GALNT7: variants seen among roughly 807,000 people sequenced by gnomAD.
GALNT7 encodes N-acetylgalactosaminyltransferase 7.
GALNT7 carries 60 observed loss-of-function variants against 82.1 expected under a neutral mutation model. The ratio of observed to expected loss-of-function variants is 0.73; its 90% confidence interval spans 0.59 to 0.91. The LOEUF is 0.91. GALNT7 is among the 40% of genes least tolerant of loss of function. GALNT7 has a pLI of 0.00. For synonymous variants in GALNT7, 243 were observed against 275.1 expected (o/e 0.88, Z 1.15); for missense variants, 660 against 804.2 (o/e 0.82, Z 2.17).
At chr4:173,303,543 T>G (rs962526888) in intron 7 of GALNT7, among the ~76,000 whole-genome samples, 13 of 152,350 alleles carry the variant, frequency 8.5e-5, no homozygotes, top group African/African-American at 3.1e-4. Flanking sequence ...GGGAATAACA[T>G]GACCCAAAGC....
At chr4:173,273,523 C>T (rs147172048) in intron 2 of GALNT7, among the ~76,000 whole-genome samples, 1,881 of 152,242 alleles carry the variant, frequency 0.012, 36 homozygotes, top group African/African-American at 0.042. Flanking sequence ...GTTTGTTAAA[C>T]ACAGACCTCA....
chr4:173,309,240 T>C (rs1314077926), intron 8 of GALNT7, among the ~76,000 whole-genome samples: 3 of 152,230 alleles, frequency 2.0e-5, no homozygotes, highest in African/African-American at 7.2e-5. Context: ...TAAATCACAG[T>C]TCTAGTTCCT....
At chr4:173,211,414 T>C (rs140028807) in intron 1 of GALNT7, among the ~76,000 whole-genome samples, 2 of 152,358 alleles carry the variant, frequency 1.3e-5, no homozygotes, top group African/African-American at 4.8e-5. Flanking sequence ...TACCTATGAC[T>C]AAACACGTCC....
At chr4:173,245,900 C>T (rs1260772258) in intron 1 of GALNT7, among the ~76,000 whole-genome samples, 1 of 152,182 alleles carries the variant, frequency 6.6e-6, no homozygotes, top group Non-Finnish European at 1.5e-5. Flanking sequence ...CTTAGTATGG[C>T]TCACAGGTTA....
At chr4:173,236,917 A>C (rs1335285522) in intron 1 of GALNT7, among the ~76,000 whole-genome samples, 8 of 152,256 alleles carry the variant, frequency 5.3e-5, no homozygotes. Context: ...ATAAATAGTA[A>C]CCTGAATGAC....
At chr4:173,202,006 T>C (rs948446412) in intron 1 of GALNT7, among the ~76,000 whole-genome samples, 1 of 152,226 alleles carries the variant, frequency 6.6e-6, no homozygotes, top group Non-Finnish European at 1.5e-5. Context: ...GGACTGTTCA[T>C]TAGGAAGTCT....
At chr4:173,219,705 A>T (rs561169277) in intron 1 of GALNT7, among the ~76,000 whole-genome samples, 1 of 152,300 alleles carries the variant, frequency 6.6e-6, no homozygotes, top group South Asian at 2.1e-4. Context: ...ATAAGGTGGT[A>T]TCACATTGTG....
chr4:173,187,319 T>C (rs1732492385), intron 1 of GALNT7, among the ~76,000 whole-genome samples: 1 of 152,082 alleles, frequency 6.6e-6, no homozygotes, highest in South Asian at 2.1e-4. Flanking sequence ...ATGTATAGAT[T>C]TGTAATTTTT....
intron 1 of GALNT7, among the ~76,000 whole-genome samples, chr4:173,220,375 T>C (rs1328051169): frequency 2.0e-5 from 3 of 152,204 alleles, no homozygotes; most frequent in Non-Finnish European, 4.4e-5. Flanking sequence ...CCAGTATCAT[T>C]GCTGTTTTGG....
rs529055751 is a variant in GALNT7, at chr4:173,198,663, CTTTA to C, written c.126+29707_126+29710del. ...TCACAAACTTATATGAAAACAAAAT[CTTTA>C]TTTAGTATGATAACCTATTGGCATC... On this transcript the variant is annotated intron_variant, in intron 1 of 11. Coordinates refer to ENST00000265000, the MANE Select transcript of GALNT7 (RefSeq NM_017423.3). Among the ~76,000 whole-genome samples the C allele has an allele frequency of 1.8e-4, 27 of 152,274 alleles. No homozygotes were observed. In the South Asian group the frequency reaches 3.5e-3, roughly 20 times the overall value.
intron 2 of GALNT7, among the ~76,000 whole-genome samples, chr4:173,271,094 C>CT (rs34257183): frequency 6.6e-6 from 1 of 152,154 alleles, no homozygotes; most frequent in Non-Finnish European, 1.5e-5. Flanking sequence ...TATGCCCTTG[C>CT]TTTTTAGAAT....
At chr4:173,321,494 C>A in intron 11 of GALNT7, 86 bp from the exon 12 acceptor site, 1 of 897,242 alleles carries the variant, frequency 1.1e-6, no homozygotes. Flanking sequence ...CTTAAACTGT[C>A]TCCTCATGAA....
At chr4:173,179,591 CCATT>C (rs1419394260) in intron 1 of GALNT7, among the ~76,000 whole-genome samples, 1 of 152,180 alleles carries the variant, frequency 6.6e-6, no homozygotes, top group African/African-American at 2.4e-5. Context: ...TAAAACCAAC[CCATT>C]GATTCTAGTT....
intron 1 of GALNT7, among the ~76,000 whole-genome samples, chr4:173,210,105 GC>G (rs1191392335): frequency 3.3e-5 from 5 of 151,610 alleles, no homozygotes; most frequent in African/African-American, 7.3e-5. Flanking sequence ...CTGCACTCCA[GC>G]CTGGGCAACA....
At chr4:173,286,880 TA>T (rs1736342437) in intron 2 of GALNT7, among the ~76,000 whole-genome samples, 1 of 152,192 alleles carries the variant, frequency 6.6e-6, no homozygotes, top group African/African-American at 2.4e-5. Context: ...TAGACCTAGG[TA>T]CTTTACTGAA....
chr4:173,201,809 T>A (rs1321166057), intron 1 of GALNT7, among the ~76,000 whole-genome samples: 1 of 152,240 alleles, frequency 6.6e-6, no homozygotes, highest in Non-Finnish European at 1.5e-5. Flanking sequence ...CAAACATCTT[T>A]TCATCATCCC....
chr4:173,169,001 G>A, intron 1 of GALNT7, 40 bp downstream of exon 1: 3 of 1,604,186 alleles, frequency 1.9e-6, no homozygotes, highest in Non-Finnish European at 2.6e-6. Flanking sequence ...GCAGCGACCG[G>A]CAACTTGTTT....
chr4:173,303,773 GC>G (rs1371928715), intron 7 of GALNT7, among the ~76,000 whole-genome samples: 1 of 152,166 alleles, frequency 6.6e-6, no homozygotes, highest in Non-Finnish European at 1.5e-5. Flanking sequence ...ACAGTAAGAG[GC>G]CCCTTAGTAG....
At chr4:173,197,126 A>G (rs576144182) in intron 1 of GALNT7, among the ~76,000 whole-genome samples, 3 of 135,746 alleles carry the variant, frequency 2.2e-5, no homozygotes, top group South Asian at 4.6e-4. Context: ...TTGTCAAGAT[A>G]TGGGTAGTAG....
Sources: gnomAD v4.1 joint callset for allele counts (sites outside exome capture counted in the v4.1 genomes callset) on GRCh38, gnomAD v4.1.1 for gene constraint, MANE v1.5 for transcripts, NCBI Gene and HGNC (gene_info 2026-07-23, HGNC 2026-07-21) for gene names.